DEPDC5: variants seen among roughly 807,000 people sequenced by gnomAD.
DEPDC5 encodes the protein DEP domain containing 5, GATOR1 subcomplex subunit, also known as GATOR1 complex protein DEPDC5.
Under a neutral mutation model 217.3 loss-of-function variants are expected in DEPDC5, and 73 were observed. The ratio of observed to expected loss-of-function variants is 0.34; its 90% CI spans 0.28 to 0.41. The LOEUF is 0.41. Among genes scored for constraint, DEPDC5 ranks in the 10% least tolerant of loss-of-function variants. The pLI is 1.00. For missense variants in DEPDC5, 1,675 were observed against 2,070.1 expected, an observed-to-expected ratio of 0.81 and a Z score of 3.70; for synonymous variants, 733 against 756.7, an observed-to-expected ratio of 0.97 and a Z score of 0.51.
Position 31,802,827 on chromosome 22 carries a change from T to C in DEPDC5, c.1070T>C (p.Met357Thr), listed in dbSNP as rs1443203939. The C allele has an allele frequency of 6.2e-7, 1 of 1,602,636 alleles. No individual in the cohort carries two copies. The highest frequency in any genetic ancestry group is 8.5e-7 in the Non-Finnish European group (1 of 1,174,996). The change falls in exon 15 of 43, where the codon ATG (methionine) becomes ACG (threonine). Residue 357 changes from methionine (M) to threonine (T), a missense_variant. This residue lies in a region of DEPDC5 where 628 missense variants were observed against 762.1 expected (regional missense o/e 0.82). Coordinates refer to ENST00000651528, the MANE Select transcript of DEPDC5 (RefSeq NM_001242896.3). ...CTCATGATCCTGACCAAGCAGCGGA[T>C]GATAGATAATGGTAATGCTCTCTGG... ...RLLMILTKQRMIDNGIGVDLV... is the reference protein window; with the variant it reads ...RLLMILTKQRTIDNGIGVDLV...
chr22:31,852,188 T>C (rs2149077312), intron 31 of DEPDC5, among the ~76,000 whole-genome samples: 1 of 152,234 alleles, frequency 6.6e-6, no homozygotes, highest in Non-Finnish European at 1.5e-5. Flanking sequence ...AAAATTTTAT[T>C]AGAAAATTTC....
intron 27 of DEPDC5, among the ~76,000 whole-genome samples, chr22:31,842,429 G>A (rs1473387608): frequency 6.6e-6 from 1 of 152,122 alleles, no homozygotes; most frequent in African/African-American, 2.4e-5. Context: ...TACGAAATTA[G>A]CCTGGGGTGG....
chr22:31,843,906 CTTTTTCTTTTTT>C lies in DEPDC5; in HGVS notation c.2801+104_2801+115del, dbSNP rs947150956. 3.9e-4 allele frequency: 508 copies of C among 1,313,480 alleles called. 2 individuals carry two copies. In the African/African-American group the frequency reaches 6.6e-3, roughly 17 times the overall value. The allele number at this position is 1,313,480 out of a possible 1,614,324, so 81.4% of individuals were successfully genotyped here. A position where few individuals can be genotyped will look rare whatever the true frequency, so the allele number is the denominator to read the frequency against. ...CTTTCTGCCCTTTCTCTCTCTCTCC[CTTTTTCTTTTTT>C]TTTTTCTTTGTAAAGAGACAGGGTT... On this transcript the variant is annotated intron_variant, in intron 29 of 42. Transcript: ENST00000651528.
chr22:31,810,172 G>A (rs1276144906), intron 19 of DEPDC5, among the ~76,000 whole-genome samples: 2 of 152,016 alleles, frequency 1.3e-5, no homozygotes, highest in African/African-American at 2.4e-5. Flanking sequence ...CCATTTGTAG[G>A]GATCACGTAG....
intron 7 of DEPDC5, among the ~76,000 whole-genome samples, chr22:31,771,104 TG>T (rs2083315933): frequency 6.6e-6 from 1 of 152,152 alleles, no homozygotes. Context: ...TTTCACCTAA[TG>T]GTTTCATCCA....
At chr22:31,834,114 G>A (rs770402340) in intron 25 of DEPDC5, 134 bp downstream of exon 25, 4 of 873,388 alleles carry the variant, frequency 4.6e-6, no homozygotes, top group South Asian at 1.3e-5. Flanking sequence ...ATGGGAAGGC[G>A]ATGTGGTGAG....
chr22:31,804,057 A>G (rs941826720), intron 15 of DEPDC5, 105 bp from the exon 16 acceptor site: 5 of 1,005,596 alleles, frequency 5.0e-6, no homozygotes, highest in African/African-American at 4.8e-5. Flanking sequence ...ATACAATGGT[A>G]AGTTAGCTTT....
rs746535603 is a variant in DEPDC5 at position 31,766,656 on chromosome 22, A to G, written c.351A>G (p.Leu117=). The stretch of plus-strand genomic sequence containing the variant: ...TTGGCCGTGGGGATATGTGGCGACT[A>G]AAGAAAAGTTTGGTAAGATGTGATT... ...QYIGRGDMWR[L]KKSLVSTCAY... Residue 117 remains leucine, a synonymous_variant, in exon 6 of 43, where the codon CTA becomes CTG. Transcript: ENST00000651528. The G allele has an allele frequency of 6.2e-6, 10 of 1,613,650 alleles. No individual in the cohort carries two copies. The African/African-American group carries it at 1.3e-4, about 21-fold the overall frequency.
chr22:31,808,323 C>T (rs997496526), intron 18 of DEPDC5, among the ~76,000 whole-genome samples: 7 of 149,658 alleles, frequency 4.7e-5, no homozygotes, highest in Middle Eastern at 3.2e-3. Flanking sequence ...TGCAGTGGTG[C>T]GATCTTGGCT....
chr22:31,784,941 A>G, intron 10 of DEPDC5, 66 bp downstream of exon 10: 1 of 1,465,136 alleles, frequency 6.8e-7, no homozygotes. Context: ...TTTAAAATGC[A>G]CTGTTTTTAT....
chr22:31,815,077 C>G lies in DEPDC5; in HGVS notation c.1531C>G (p.Leu511Val). Reference sequence around the variant, plus strand: ...CAGCCCTTCCCTACCAAGCCGCACACTGCCCACTGAGGAAGTGAGGAGCCA... The same window carrying G: ...CAGCCCTTCCCTACCAAGCCGCACAGTGCCCACTGAGGAAGTGAGGAGCCA... ...SSSPSLPSRT[L>V]PTEEVRSQAS... Residue 511 changes from leucine (L) to valine (V), a missense_variant, in exon 21 of 43, where the codon CTG becomes GTG. Leu to Val is a conservative substitution (Grantham distance 32). Around this residue, in one of 11 missense-constraint regions of DEPDC5, gnomAD observed 628 missense variants for 762.1 expected, o/e 0.82. Coordinates refer to ENST00000651528, the MANE Select transcript of DEPDC5 (RefSeq NM_001242896.3). The G allele has an allele frequency of 3.1e-6, 5 of 1,614,246 alleles. No individual in the cohort carries two copies. Among genetic ancestry groups the G allele is most frequent in the Non-Finnish European group, 4.2e-6 (5 of 1,180,048 alleles).
intron 13 of DEPDC5, among the ~76,000 whole-genome samples, chr22:31,798,096 T>C (rs867786820): frequency 1.3e-5 from 2 of 152,096 alleles, no homozygotes; most frequent in African/African-American, 4.8e-5. Flanking sequence ...AATTTTTTCA[T>C]TTTTTTGTAG....
intron 7 of DEPDC5, chr22:31,769,531 C>G (rs1389563805): frequency 1.3e-5 from 2 of 152,066 alleles, no homozygotes; most frequent in Non-Finnish European, 2.9e-5. Flanking sequence ...GATTTGTTAC[C>G]TTTTTAACTA....
chr22:31,897,339 A>G (rs2093571049), intron 39 of DEPDC5, 143 bp from the exon 40 acceptor site: 2 of 1,116,492 alleles, frequency 1.8e-6, no homozygotes, highest in South Asian at 1.7e-5. Flanking sequence ...TCCAGGACCA[A>G]TTTGCAGCCA....
Position 31,906,182 on chromosome 22 carries a change from C to T in DEPDC5, c.4520-23C>T. On this transcript the variant is annotated intron_variant, in intron 42 of 42. Transcript: ENST00000651528. The surrounding 1 kb of genome is among the most constrained non-coding windows in gnomAD (Gnocchi z 5.1). ...AGGAGCCCTCCTGGTGGCTGCCACA[C>T]AGGCGCTCCCCTTTCTCTTCAGGAA... 2 of 1,612,780 alleles carry T rather than the reference C, an allele frequency of 1.2e-6. No individual in the cohort carries two copies. Among genetic ancestry groups the T allele is most frequent in the Non-Finnish European group, 1.7e-6 (2 of 1,179,068 alleles).
intron 38 of DEPDC5, among the ~76,000 whole-genome samples, chr22:31,890,821 G>A (rs2093424463): frequency 6.6e-6 from 1 of 151,962 alleles, no homozygotes; most frequent in African/African-American, 2.4e-5. Context: ...TGCCTCCCAG[G>A]TTCAAGCAAT....
intron 21 of DEPDC5, chr22:31,815,773 C>T: frequency 1.6e-6 from 2 of 1,219,772 alleles, no homozygotes; most frequent in Non-Finnish European, 2.1e-6. Context: ...TCGAGGGATC[C>T]ACCCATTGGC....
intron 7 of DEPDC5, among the ~76,000 whole-genome samples, chr22:31,774,564 G>C (rs1186449303): frequency 6.6e-6 from 1 of 151,930 alleles, no homozygotes; most frequent in African/African-American, 2.4e-5. Flanking sequence ...GAGCTGGCTG[G>C]GTGCGGTGGC....
At chr22:31,805,939 A>G (rs973795585) in intron 17 of DEPDC5, among the ~76,000 whole-genome samples, 183 bp from the exon 18 acceptor site, 2 of 152,204 alleles carry the variant, frequency 1.3e-5, no homozygotes, top group African/African-American at 4.8e-5. Flanking sequence ...CTCTACCAAA[A>G]AACAAAACAT....
Sources: gnomAD v4.1 joint callset for allele counts (sites outside exome capture counted in the v4.1 genomes callset) on GRCh38, gnomAD v4.1.1 for gene constraint, gnomAD v4.1.1 regional missense constraint, Gnocchi (gnomAD v3.1) non-coding constraint, MANE v1.5 for transcripts, NCBI Gene and HGNC (gene_info 2026-07-23, HGNC 2026-07-21) for gene names.